MAGI2: variants seen among roughly 807,000 people sequenced by gnomAD.
MAGI2 encodes the protein membrane associated guanylate kinase, WW and PDZ domain containing 2, also known as membrane-associated guanylate kinase, WW and PDZ domain-containing protein 2.
MAGI2 carries 35 observed loss-of-function variants against 133.3 expected under a neutral mutation model. The observed-to-expected ratio is 0.26, with a 90% CI of 0.20 to 0.35. MAGI2 has a LOEUF of 0.35. MAGI2 is among the 10% of genes least tolerant of loss of function. MAGI2 has a pLI of 1.00. For synonymous variants in MAGI2, 729 were observed against 710.6 expected (o/e 1.03, Z -0.41); for missense variants, 1,636 against 1,863.4 (o/e 0.88, Z 2.25).
At position 78,698,751 on chromosome 7, in the gene MAGI2, G is replaced by T. The variant is rs1318152134; in HGVS notation, c.419-71512C>A. On this transcript the variant is annotated intron_variant, in intron 2 of 21. Transcript: ENST00000354212. ...GGGAAGCCAACACGTCCTTTTTCAC[G>T]TGGCAGTGCGAGAGAGAAGTGTCAA... 2.6e-5 allele frequency among the ~76,000 whole-genome samples: 4 copies of T among 152,062 alleles called. No homozygotes were observed. In the East Asian group the frequency reaches 5.8e-4, roughly 22 times the overall value.
chr7:78,997,551 G>A (rs1012050931), intron 2 of MAGI2, among the ~76,000 whole-genome samples: 8 of 149,754 alleles, frequency 5.3e-5, no homozygotes, highest in African/African-American at 1.5e-4. Flanking sequence ...GCGGTGAGCC[G>A]AGATCGTGCC....
At chr7:78,265,587 A>G (rs1366974817) in intron 9 of MAGI2, among the ~76,000 whole-genome samples, 1 of 152,222 alleles carries the variant, frequency 6.6e-6, no homozygotes, top group Non-Finnish European at 1.5e-5. Context: ...AAAGTTTATG[A>G]AAGCAAGATA....
Position 78,436,822 on chromosome 7 carries a change from C to T in MAGI2, c.1045+52939G>A, listed in dbSNP as rs146308058. On this transcript the variant is annotated intron_variant, in intron 6 of 21. Transcript: ENST00000354212. Reference sequence around the variant, plus strand: ...AAGCTGGCCTGTCCTCAGAAGCCAACAGATGACTTTCAAAGCCCAGATCCA... The same window carrying T: ...AAGCTGGCCTGTCCTCAGAAGCCAATAGATGACTTTCAAAGCCCAGATCCA... 3.3e-3 allele frequency among the ~76,000 whole-genome samples: 508 copies of T among 152,286 alleles called. 2 individuals carry two copies. Among genetic ancestry groups the T allele is most frequent in the African/African-American group, 0.012 (486 of 41,574 alleles).
chr7:78,613,291 C>A (rs1039322157), intron 3 of MAGI2, among the ~76,000 whole-genome samples: 3 of 152,164 alleles, frequency 2.0e-5, no homozygotes, highest in African/African-American at 7.2e-5. Context: ...ACAGATAAAT[C>A]ATTTTAGTTA....
chr7:79,353,852 G>A lies in MAGI2; in HGVS notation c.301+99168C>T, dbSNP rs368772100. The A allele has an allele frequency of 3.5e-5, 7 of 200,914 alleles. No homozygotes were observed. The South Asian group carries it at 5.0e-4, about 14-fold the overall frequency. 12.4% of individuals were successfully genotyped at this position (200,914 alleles called of 1,614,324 possible). A position where few individuals can be genotyped will look rare whatever the true frequency, so the allele number is the denominator to read the frequency against. ...TGGGGCTGGAACTGCTGGGAGCCCT[G>A]CTTATGCTTCAGTGGCCATGTCCAT... On this transcript the variant is annotated intron_variant, in intron 1 of 21. Transcript: ENST00000354212.
At chr7:78,718,621 C>G (rs995172692) in intron 2 of MAGI2, among the ~76,000 whole-genome samples, 1 of 151,660 alleles carries the variant, frequency 6.6e-6, no homozygotes, top group Non-Finnish European at 1.5e-5. Flanking sequence ...CCAGATGGGA[C>G]CATCTAGTTG....
intron 3 of MAGI2, among the ~76,000 whole-genome samples, chr7:78,560,537 AC>A (rs1800294606): frequency 6.6e-6 from 1 of 152,226 alleles, no homozygotes. Context: ...TAATCTAAAT[AC>A]TTTAAAATTT....
chr7:79,116,974 G>T lies in MAGI2; in HGVS notation c.302-109768C>A, dbSNP rs543734213. On this transcript the variant is annotated intron_variant, in intron 1 of 21. Transcript: ENST00000354212. ...TCTTTATAAATTACCCAGCCTCAGG[G>T]AGTTACAACAACAGAAAAATGGGCT... Among the ~76,000 whole-genome samples, 316 of 152,210 alleles carry T rather than the reference G, an allele frequency of 2.1e-3. 2 individuals are homozygous for T. Among genetic ancestry groups the T allele is most frequent in the African/African-American group, 7.3e-3 (305 of 41,540 alleles).
chr7:78,365,711 A>G (rs1465543242), intron 7 of MAGI2, among the ~76,000 whole-genome samples: 1 of 152,190 alleles, frequency 6.6e-6, no homozygotes, highest in East Asian at 1.9e-4. Context: ...ACAATCTTAA[A>G]ATTGAATTTG....
chr7:78,562,046 G>A (rs963330681), intron 3 of MAGI2, among the ~76,000 whole-genome samples: 2 of 152,064 alleles, frequency 1.3e-5, no homozygotes, highest in African/African-American at 4.8e-5. Flanking sequence ...ATTCACAAAC[G>A]CTCTATTAGG....
chr7:78,915,649 A>ATT (rs147371823), intron 2 of MAGI2, among the ~76,000 whole-genome samples: 2 of 149,120 alleles, frequency 1.3e-5, no homozygotes, highest in South Asian at 2.1e-4. Flanking sequence ...GGCTTTCGTA[A>ATT]TTTTTTTTTT....
intron 3 of MAGI2, among the ~76,000 whole-genome samples, chr7:78,597,391 T>A (rs1344924023): frequency 8.7e-5 from 13 of 149,746 alleles, no homozygotes; most frequent in Admixed American, 7.4e-4. Flanking sequence ...GGGGGTCTTA[T>A]AAATAATTTT....
At chr7:79,325,545 G>A (rs1839624178) in intron 1 of MAGI2, among the ~76,000 whole-genome samples, 1 of 151,888 alleles carries the variant, frequency 6.6e-6, no homozygotes, top group Non-Finnish European at 1.5e-5. Context: ...GTATAAAGAA[G>A]AGTTAACTGT....
At chr7:78,886,289 A>G (rs375912642) in intron 2 of MAGI2, among the ~76,000 whole-genome samples, 45 of 152,380 alleles carry the variant, frequency 3.0e-4, no homozygotes, top group African/African-American at 1.0e-3. Flanking sequence ...CAATCTAAAC[A>G]TAAATAGACT....
intron 1 of MAGI2, among the ~76,000 whole-genome samples, chr7:79,397,169 TA>T (rs1845120249): frequency 6.8e-6 from 1 of 147,632 alleles, no homozygotes; most frequent in Non-Finnish European, 1.5e-5. Context: ...TTATTTATAT[TA>T]TATATATATG....
chr7:78,406,368 G>A (rs1797375728), intron 6 of MAGI2, among the ~76,000 whole-genome samples: 1 of 151,946 alleles, frequency 6.6e-6, no homozygotes, highest in Admixed American at 6.6e-5. Context: ...GTTTGGTTGT[G>A]TTTGTAAACT....
chr7:79,230,754 C>G (rs1055586443), intron 1 of MAGI2, among the ~76,000 whole-genome samples: 2 of 152,048 alleles, frequency 1.3e-5, no homozygotes, highest in African/African-American at 4.8e-5. Context: ...CCTGTTCACT[C>G]TGATGGTAGT....
intron 1 of MAGI2, among the ~76,000 whole-genome samples, chr7:79,054,333 A>G (rs1259935487): frequency 5.9e-5 from 9 of 152,230 alleles, no homozygotes. Context: ...AGTCCTTTCA[A>G]AATATAAATT....
chr7:78,628,463 C>T (rs1808609891), intron 2 of MAGI2, among the ~76,000 whole-genome samples: 1 of 152,040 alleles, frequency 6.6e-6, no homozygotes, highest in African/African-American at 2.4e-5. Context: ...GTCGGTTCTC[C>T]TTTTGGTCTA....
Sources: gnomAD v4.1 joint callset for allele counts (sites outside exome capture counted in the v4.1 genomes callset) on GRCh38, gnomAD v4.1.1 for gene constraint, MANE v1.5 for transcripts, NCBI Gene and HGNC (gene_info 2026-07-23, HGNC 2026-07-21) for gene names.